Variants in PLA2G4F observed in about 807,000 individuals in gnomAD.
The protein encoded by PLA2G4F is phospholipase A2 group IVF.
In PLA2G4F, 105 loss-of-function variants were observed where a neutral mutation model predicts 103.1. The ratio of observed to expected loss-of-function variants is 1.02; its 90% CI spans 0.87 to 1.20. The LOEUF is 1.20. Among genes scored for constraint, PLA2G4F ranks in the 50% most tolerant of loss-of-function variants. PLA2G4F has a pLI of 0.00. For missense variants in PLA2G4F, 1,155 were observed against 1,075.9 expected (o/e 1.07, Z -1.03); for synonymous variants, 468 against 441.1 (o/e 1.06, Z -0.76).
At chr15:42,149,115 A>T (rs1485383685) in intron 11 of PLA2G4F, 2 of 984,594 alleles carry the variant, frequency 2.0e-6, no homozygotes, top group Non-Finnish European at 2.4e-6. Context: ...GATCCCAGGG[A>T]CCCCCCAACC....
chr15:42,146,920 A>T, intron 13 of PLA2G4F: 3 of 581,808 alleles, frequency 5.2e-6, no homozygotes, highest in Non-Finnish European at 9.2e-6. Context: ...GCTGCGGACC[A>T]GGCTCCTCCT....
At chr15:42,153,804 G>A in intron 4 of PLA2G4F, 144 bp from the exon 5 acceptor site, 2 of 898,456 alleles carry the variant, frequency 2.2e-6, no homozygotes, top group Non-Finnish European at 1.7e-6. Context: ...AGGGGCAGTG[G>A]TATCTCCATG....
At chr15:42,150,025 A>C in intron 10 of PLA2G4F, 79 bp downstream of exon 10, 24 of 1,592,472 alleles carry the variant, frequency 1.5e-5, no homozygotes, top group Non-Finnish European at 1.9e-5. Context: ...TTCTTGGGCA[A>C]GAGAATGGAG....
At position 42,142,699 on chromosome 15, in the gene PLA2G4F, C is replaced by G. The variant is rs1274104308; in HGVS notation, c.2158G>C (p.Glu720Gln). The G allele has an allele frequency of 1.2e-5, 20 of 1,613,960 alleles. No individual in the cohort carries two copies. The East Asian group carries it at 4.5e-4, about 36-fold the overall frequency. ...EAPFEVLKMTEKYCLDRGIPF... is the reference protein window; with the variant it reads ...EAPFEVLKMTQKYCLDRGIPF... Reference sequence around the variant, plus strand: ...ATTCCTCGGTCCAGGCAGTACTTCTCTGTCATCTTCAAGACCTGAGCAGGA... The same window carrying G: ...ATTCCTCGGTCCAGGCAGTACTTCTGTGTCATCTTCAAGACCTGAGCAGGA... Residue 720 changes from glutamate (E) to glutamine (Q), a missense_variant, in exon 19 of 20, where the codon GAG (glutamate) becomes CAG (glutamine). This residue lies in a region of PLA2G4F where 782 missense variants were observed against 692.9 expected (regional missense o/e 1.13). Coordinates refer to ENST00000397272, the MANE Select transcript of PLA2G4F (RefSeq NM_213600.4).
intron 11 of PLA2G4F, 127 bp from the exon 12 acceptor site, chr15:42,147,889 C>A (rs1484385042): frequency 2.0e-5 from 27 of 1,380,470 alleles, no homozygotes; most frequent in Non-Finnish European, 2.6e-5. Flanking sequence ...TCACAGCAAC[C>A]CAATGAGAAC....
chr15:42,152,605 T>C (rs2048971903), intron 7 of PLA2G4F, 83 bp downstream of exon 7: 15 of 1,419,614 alleles, frequency 1.1e-5, no homozygotes, highest in Non-Finnish European at 1.4e-5. Context: ...AAGAACTTCC[T>C]GCCCCAGACC....
chr15:42,148,181 C>CAAAAAA (rs59009245), intron 11 of PLA2G4F, among the ~76,000 whole-genome samples: 1 of 85,740 alleles, frequency 1.2e-5, no homozygotes, highest in African/African-American at 3.5e-5. Flanking sequence ...GACTCCGTCT[C>CAAAAAA]AAAAAAAAAA....
At position 42,151,367 on chromosome 15, in the gene PLA2G4F, G is replaced by A. The variant is rs567248078; in HGVS notation, c.602-590C>T. On this transcript the variant is annotated intron_variant, in intron 7 of 19. Transcript: ENST00000397272. ...GACTGGAAGATGAGGCCCAGGCTGG[G>A]AGGAGTGAGGGGGTGGGCTTGTGGG... 3.8e-3 allele frequency: 3,704 copies of A among 985,256 alleles called. 8 individuals are homozygous for A. Among genetic ancestry groups the A allele is most frequent in the Non-Finnish European group, 4.3e-3 (3,545 of 829,900 alleles). The allele number at this position is 985,256 out of a possible 1,614,324, so 61.0% of individuals were successfully genotyped here.
In PLA2G4F at chr15:42,156,529, T is replaced by C; in HGVS notation, c.21A>G (p.Pro7=). 6.4e-7 allele frequency: 1 copy of C among 1,552,996 alleles called. No individual in the cohort carries two copies. Among genetic ancestry groups the C allele is most frequent in the Non-Finnish European group, 8.7e-7 (1 of 1,147,662 alleles). MLWALW[P]RWLADKMLPL... ...GCAGCATCTTGTCTGCCAGCCACCT[T>C]GGCCAGAGTGCCCAAAGCATGGCTG... Residue 7 remains proline (P), a synonymous_variant, in exon 1 of 20, where the codon CCA becomes CCG. Coordinates refer to ENST00000397272, the MANE Select transcript of PLA2G4F (RefSeq NM_213600.4).
At position 42,141,534 on chromosome 15, in the gene PLA2G4F, G is replaced by A. The variant is rs546979929; in HGVS notation, c.*450C>T. ...TCGAGGTGGGGTTGGGGCTTGGGCC[G>A]CTCTGCAGGAAGTGTGGATGGATGC... On this transcript the variant is annotated 3_prime_UTR_variant, in exon 20 of 20. Coordinates refer to ENST00000397272, the MANE Select transcript of PLA2G4F (RefSeq NM_213600.4). 6.5e-4 allele frequency: 295 copies of A among 452,470 alleles called. 3 individuals are homozygous for A. Among genetic ancestry groups the A allele is most frequent in the South Asian group, 2.5e-3 (157 of 63,894 alleles). 28.0% of individuals were successfully genotyped at this position (452,470 alleles called of 1,614,324 possible). A position where few individuals can be genotyped will look rare whatever the true frequency, so the allele number is the denominator to read the frequency against.
In PLA2G4F at chr15:42,154,313, G is replaced by A; in HGVS notation, c.321+9C>T. ...CCCTCCCGCAGCCTGGCCCCTGGCT[G>A]GCCCTCACCTTCACAGCACCATGGA... On this transcript the variant is annotated intron_variant, in intron 3 of 19. Transcript: ENST00000397272. The A allele has an allele frequency of 1.9e-5, 30 of 1,608,796 alleles. No individual in the cohort carries two copies. The highest frequency in any genetic ancestry group is 2.5e-5 in the Non-Finnish European group (29 of 1,176,238).
At chr15:42,149,997 C>T in intron 10 of PLA2G4F, 107 bp downstream of exon 10, 1 of 1,557,838 alleles carries the variant, frequency 6.4e-7, no homozygotes, top group South Asian at 1.1e-5. Flanking sequence ...AATGTCATCC[C>T]CACCCCACGG....
intron 6 of PLA2G4F, 119 bp from the exon 7 acceptor site, chr15:42,152,873 G>A (rs1322941483): frequency 2.1e-6 from 2 of 940,234 alleles, no homozygotes; most frequent in African/African-American, 3.3e-5. Flanking sequence ...CAGGATGGAG[G>A]GAGGGAGGAG....
At position 42,146,181 on chromosome 15, in the gene PLA2G4F, G is replaced by A; in HGVS notation, c.1480C>T (p.Pro494Ser). The A allele has an allele frequency of 1.9e-6, 3 of 1,614,250 alleles. No individual in the cohort carries two copies. Among genetic ancestry groups the A allele is most frequent in the Non-Finnish European group, 2.5e-6 (3 of 1,180,050 alleles). The part of the protein sequence containing the change: ...EAVRQGQNPY[P>S]IYTSVNVRTN... ...CGGACGTTGACACTGGTGTAAATGG[G>A]GTAAGGGTTCTGACCCTGGCGGACC... Residue 494 changes from proline (P) to serine (S), a missense_variant, in exon 14 of 20, where the codon CCC (proline) becomes TCC (serine). By Grantham distance (74) the Pro-to-Ser change is moderately conservative. This residue lies in a region of PLA2G4F where 782 missense variants were observed against 692.9 expected (regional missense o/e 1.13). Transcript: ENST00000397272.
intron 17 of PLA2G4F, 97 bp from the exon 18 acceptor site, chr15:42,144,241 A>T: frequency 6.9e-7 from 1 of 1,459,460 alleles, no homozygotes; most frequent in Non-Finnish European, 9.3e-7. Flanking sequence ...CTCTCTGTAG[A>T]GTTCTCTCTG....
At chr15:42,144,429 C>T (rs531003341) in intron 17 of PLA2G4F, 21 bp downstream of exon 17, 30 of 1,611,086 alleles carry the variant, frequency 1.9e-5, no homozygotes, top group Non-Finnish European at 2.3e-5. Flanking sequence ...CCCCCCATCT[C>T]CCACCCAAGG....
chr15:42,152,502 C>A (rs1314685823), intron 7 of PLA2G4F, among the ~76,000 whole-genome samples, 186 bp downstream of exon 7: 2 of 152,214 alleles, frequency 1.3e-5, no homozygotes, highest in Non-Finnish European at 2.9e-5. Context: ...CGGATACAAC[C>A]TCTTTGCTCG....
chr15:42,145,545 G>T, intron 16 of PLA2G4F, 30 bp downstream of exon 16: 1 of 1,592,128 alleles, frequency 6.3e-7, no homozygotes, highest in Non-Finnish European at 8.6e-7. Context: ...GGAATGTGGT[G>T]TGGGAGGGGC....
At chr15:42,147,544 G>A in intron 12 of PLA2G4F, 82 bp downstream of exon 12, 1 of 1,524,552 alleles carries the variant, frequency 6.6e-7, no homozygotes, top group Non-Finnish European at 9.0e-7. Flanking sequence ...CAGCCCCTCA[G>A]GGACTCCTTA....
Sources: gnomAD v4.1 joint callset for allele counts (sites outside exome capture counted in the v4.1 genomes callset) on GRCh38, gnomAD v4.1.1 for gene constraint, gnomAD v4.1.1 regional missense constraint, MANE v1.5 for transcripts, NCBI Gene and HGNC (gene_info 2026-07-23, HGNC 2026-07-21) for gene names.